Variants in RANBP2 observed in about 807,000 individuals in gnomAD.
RANBP2 encodes RAN binding protein 2.
RANBP2 carries 57 observed loss-of-function variants against 303.6 expected under a neutral mutation model. That is an observed-to-expected ratio of 0.19 (90% CI 0.15 to 0.23). The LOEUF (loss-of-function observed/expected upper bound fraction) is 0.23. RANBP2 is among the 10% of genes least tolerant of loss of function. The probability of loss-of-function intolerance (pLI) is 1.00; values close to 1 mark genes in which losing one functional copy is unlikely to be tolerated. For missense variants in RANBP2, 3,138 were observed against 3,780.8 expected (o/e 0.83, Z 4.46); for synonymous variants, 1,167 against 1,301.5 (o/e 0.90, Z 2.23).
At chr2:109,279,310 G>A in the RANBP2 span, among the ~76,000 whole-genome samples, 2 of 152,222 alleles carry the variant, frequency 1.3e-5, no homozygotes, top group African/African-American at 4.8e-5. Flanking sequence ...AGGGATTGCA[G>A]TGGCCAGTGG....
the RANBP2 span, among the ~76,000 whole-genome samples, chr2:109,031,234 A>G: frequency 1.3e-5 from 2 of 152,150 alleles, no homozygotes; most frequent in Non-Finnish European, 2.9e-5. Context: ...TCAAGGTGTC[A>G]GCAGTGAGGG....
At chr2:109,700,905 T>C in the RANBP2 span, among the ~76,000 whole-genome samples, 32 of 151,908 alleles carry the variant, frequency 2.1e-4, no homozygotes, top group African/African-American at 7.5e-4. Context: ...GAAGGTGATG[T>C]GGGAGGAAAG....
At chr2:109,362,204 A>G in the RANBP2 span, among the ~76,000 whole-genome samples, 3 of 152,186 alleles carry the variant, frequency 2.0e-5, no homozygotes, top group African/African-American at 4.8e-5. Flanking sequence ...ATTCAGTGCT[A>G]TAAATTTCCC....
At chr2:109,107,866 G>T in the RANBP2 span, among the ~76,000 whole-genome samples, 1 of 152,030 alleles carries the variant, frequency 6.6e-6, no homozygotes, top group South Asian at 2.1e-4. Flanking sequence ...CTCCTGAGTA[G>T]CTGGGATTAC....
the RANBP2 span, among the ~76,000 whole-genome samples, chr2:109,304,082 C>T: frequency 6.7e-6 from 1 of 149,830 alleles, no homozygotes; most frequent in Non-Finnish European, 1.5e-5. Context: ...GCCTGGGCAA[C>T]AGGAGCAAAA....
chr2:109,730,623 T>C, the RANBP2 span, among the ~76,000 whole-genome samples: 3 of 152,116 alleles, frequency 2.0e-5, no homozygotes, highest in Non-Finnish European at 4.4e-5. Flanking sequence ...AAATAACATA[T>C]ATTTCTCACA....
the RANBP2 span, chr2:109,128,879 C>T: frequency 3.2e-6 from 1 of 309,918 alleles, no homozygotes. Context: ...CCTAGGGGAC[C>T]AGGCTAATCG....
the RANBP2 span, among the ~76,000 whole-genome samples, chr2:109,450,626 C>T: frequency 6.6e-6 from 1 of 152,108 alleles, no homozygotes; most frequent in Non-Finnish European, 1.5e-5. Flanking sequence ...CAACATGTAA[C>T]CTATGTTTTA....
chr2:108,840,230 T>C, the RANBP2 span, among the ~76,000 whole-genome samples: 2 of 152,188 alleles, frequency 1.3e-5, no homozygotes, highest in Non-Finnish European at 2.9e-5. Context: ...GTTTTTATAT[T>C]AACAAATTCT....
At chr2:108,923,320 A>T in the RANBP2 span, 2 of 1,569,348 alleles carry the variant, frequency 1.3e-6, no homozygotes, top group African/African-American at 2.7e-5. Flanking sequence ...AGTGAAAGGG[A>T]TCCGTGCTGA....
the RANBP2 span, among the ~76,000 whole-genome samples, chr2:109,355,618 T>C: frequency 1.3e-5 from 2 of 152,228 alleles, no homozygotes; most frequent in African/African-American, 2.4e-5. Context: ...GTGTTGTCCC[T>C]GTATGCTCCC....
the RANBP2 span, among the ~76,000 whole-genome samples, chr2:108,854,966 T>C: frequency 6.6e-6 from 1 of 152,234 alleles, no homozygotes; most frequent in Non-Finnish European, 1.5e-5. Flanking sequence ...TATTTCATAC[T>C]GATTAAGATC....
At chr2:109,760,312 T>A in the RANBP2 span, 1 of 149,632 alleles carries the variant, frequency 6.7e-6, no homozygotes, top group Non-Finnish European at 1.4e-5. Flanking sequence ...TCAATAAATA[T>A]CTGTTGTCTG....
the RANBP2 span, among the ~76,000 whole-genome samples, chr2:109,536,955 C>A: frequency 1.3e-5 from 2 of 152,166 alleles, no homozygotes; most frequent in Non-Finnish European, 2.9e-5. Flanking sequence ...GTGAGGCTTC[C>A]CCAGCCACAT....
the RANBP2 span, among the ~76,000 whole-genome samples, chr2:109,541,384 T>C: frequency 6.6e-6 from 1 of 152,258 alleles, no homozygotes; most frequent in African/African-American, 2.4e-5. Flanking sequence ...ATACATTCCT[T>C]TCTACATCAG....
chr2:109,481,895 G>A, the RANBP2 span, among the ~76,000 whole-genome samples: 1 of 152,150 alleles, frequency 6.6e-6, no homozygotes, highest in Non-Finnish European at 1.5e-5. Context: ...TTATCACCAC[G>A]GAATCACTGC....
the RANBP2 span, among the ~76,000 whole-genome samples, chr2:109,419,906 G>C: frequency 1.3e-5 from 2 of 152,244 alleles, no homozygotes; most frequent in Non-Finnish European, 2.9e-5. Context: ...CCAGTCAACA[G>C]GAGAGGAGCC....
At chr2:109,113,759 T>C in the RANBP2 span, among the ~76,000 whole-genome samples, 178 of 152,304 alleles carry the variant, frequency 1.2e-3, 1 homozygote, top group Middle Eastern at 3.4e-3. Context: ...CAGTATGATA[T>C]TGGCTGTGGG....
At chr2:109,174,588 A>G in the RANBP2 span, among the ~76,000 whole-genome samples, 36 of 152,332 alleles carry the variant, frequency 2.4e-4, no homozygotes, top group African/African-American at 7.0e-4. Context: ...CATTGTGGCT[A>G]TGGTGTTCGT....
Sources: allele counts gnomAD v4.1 joint callset (sites outside exome capture counted in the v4.1 genomes callset), GRCh38; gene constraint gnomAD v4.1.1; transcripts MANE v1.5; gene names NCBI Gene and HGNC (gene_info 2026-07-23, HGNC 2026-07-21).